RORA: variants seen among roughly 807,000 people sequenced by gnomAD.
RORA encodes nuclear receptor ROR-alpha.
In RORA, 7 loss-of-function variants were observed where a neutral mutation model predicts 69.5. The ratio of observed to expected loss-of-function variants is 0.10; its 90% confidence interval spans 0.06 to 0.19. RORA has a LOEUF of 0.19. Among genes scored for constraint, RORA ranks in the 10% least tolerant of loss-of-function variants. The probability of loss-of-function intolerance (pLI) is 1.00; values close to 1 mark genes in which losing one functional copy is unlikely to be tolerated. For synonymous variants in RORA, 261 were observed against 240.8 expected, an observed-to-expected ratio of 1.08 and a Z score of -0.78; for missense variants, 457 against 663.0, an observed-to-expected ratio of 0.69 and a Z score of 3.41.
chr15:60,811,335 G>C lies in RORA; in HGVS notation c.167-132649C>G, dbSNP rs556197575. ...ATGGCACTGGGTTCTGTGATAATCT[G>C]GGTTTTCCCCCTTGCTGGCTTGGGA... is the stretch of plus-strand genomic sequence containing the variant. On this transcript the variant is annotated intron_variant, in intron 1 of 10. Coordinates refer to ENST00000335670, the MANE Select transcript of RORA (RefSeq NM_134261.3). Among the ~76,000 whole-genome samples, 18 of 152,292 alleles carry C rather than the reference G, an allele frequency of 1.2e-4. No homozygotes were observed. In the East Asian group the frequency reaches 3.1e-3, roughly 26 times the overall value.
At chr15:60,992,101 T>C (rs1002639801) in intron 1 of RORA, among the ~76,000 whole-genome samples, 7 of 152,144 alleles carry the variant, frequency 4.6e-5, no homozygotes, top group African/African-American at 1.7e-4. Context: ...GTTAGTACTA[T>C]AATGTATGCT....
At chr15:60,836,004 A>T (rs2073110142) in intron 1 of RORA, among the ~76,000 whole-genome samples, 1 of 152,224 alleles carries the variant, frequency 6.6e-6, no homozygotes, top group Non-Finnish European at 1.5e-5. Context: ...TTGCCCGATC[A>T]CTTACTTACT....
At chr15:60,795,686 T>A (rs2072486372) in intron 1 of RORA, among the ~76,000 whole-genome samples, 1 of 152,198 alleles carries the variant, frequency 6.6e-6, no homozygotes, top group African/African-American at 2.4e-5. Context: ...CAGGTTGATT[T>A]GTCAACCACA....
At chr15:60,820,861 G>C (rs2072884606) in intron 1 of RORA, among the ~76,000 whole-genome samples, 1 of 152,244 alleles carries the variant, frequency 6.6e-6, no homozygotes, top group South Asian at 2.1e-4. Flanking sequence ...AGAGAACTAT[G>C]AGTGAAGCTG....
chr15:61,036,912 A>C (rs749864535), intron 1 of RORA, among the ~76,000 whole-genome samples: 1 of 152,042 alleles, frequency 6.6e-6, no homozygotes, highest in East Asian at 1.9e-4. Flanking sequence ...GCCTCGGTGA[A>C]AACAACCTGA....
At chr15:61,005,376 A>C (rs1894878051) in intron 1 of RORA, among the ~76,000 whole-genome samples, 1 of 152,200 alleles carries the variant, frequency 6.6e-6, no homozygotes, top group Non-Finnish European at 1.5e-5. Context: ...GCTACTCAGG[A>C]GGCTGAGGCA....
chr15:60,970,600 T>C (rs1477814939), intron 1 of RORA, among the ~76,000 whole-genome samples: 1 of 152,206 alleles, frequency 6.6e-6, no homozygotes, highest in Non-Finnish European at 1.5e-5. Flanking sequence ...GGAACTTGGT[T>C]TGAAACCTGT....
chr15:60,846,463 T>C (rs1291448474), intron 1 of RORA, among the ~76,000 whole-genome samples: 4 of 152,216 alleles, frequency 2.6e-5, no homozygotes, highest in Non-Finnish European at 4.4e-5. Flanking sequence ...GGACTCATAC[T>C]AATGTGTTAT....
intron 1 of RORA, among the ~76,000 whole-genome samples, chr15:61,005,123 G>A (rs945273303): frequency 6.6e-6 from 1 of 152,204 alleles, no homozygotes; most frequent in Non-Finnish European, 1.5e-5. Flanking sequence ...AACAATCTGA[G>A]GGTTCAACAA....
chr15:61,215,968 T>A (rs979229167), intron 1 of RORA, among the ~76,000 whole-genome samples: 13 of 152,164 alleles, frequency 8.5e-5, no homozygotes, highest in Admixed American at 3.3e-4. Context: ...CATGTTTGAG[T>A]GAAGAAATAA....
intron 2 of RORA, among the ~76,000 whole-genome samples, chr15:60,590,097 C>T (rs1730983406): frequency 3.9e-5 from 6 of 152,088 alleles, no homozygotes; most frequent in Admixed American, 3.9e-4. Context: ...AAGATAATCC[C>T]ATTAAAATTC....
chr15:60,560,502 T>C, intron 2 of RORA, among the ~76,000 whole-genome samples: 1 of 151,998 alleles, frequency 6.6e-6, no homozygotes, highest in South Asian at 2.1e-4. Flanking sequence ...AAGACCAGCC[T>C]GGACAATATA....
intron 1 of RORA, among the ~76,000 whole-genome samples, chr15:61,185,002 A>AAAG (rs1313174431): frequency 4.5e-4 from 68 of 150,896 alleles, no homozygotes; most frequent in African/African-American, 1.0e-3. Context: ...AAAAAAAAAA[A>AAAG]AAGAAGAAGA....
At chr15:60,956,124 A>G (rs1432611317) in intron 1 of RORA, among the ~76,000 whole-genome samples, 1 of 152,234 alleles carries the variant, frequency 6.6e-6, no homozygotes, top group African/African-American at 2.4e-5. Flanking sequence ...GAAATTTAAT[A>G]GCATGAAGTT....
At chr15:60,589,175 T>C (rs1168385647) in intron 2 of RORA, among the ~76,000 whole-genome samples, 1 of 152,212 alleles carries the variant, frequency 6.6e-6, no homozygotes, top group African/African-American at 2.4e-5. Flanking sequence ...GTCCTTACAG[T>C]GAGATCAGAG....
intron 1 of RORA, among the ~76,000 whole-genome samples, chr15:60,773,908 T>C (rs2072118466): frequency 6.6e-6 from 1 of 152,252 alleles, no homozygotes; most frequent in South Asian, 2.1e-4. Context: ...CACATTTATG[T>C]AATACATAAG....
chr15:60,689,485 TA>T (rs781425456), intron 1 of RORA, among the ~76,000 whole-genome samples: 9 of 152,176 alleles, frequency 5.9e-5, no homozygotes, highest in Non-Finnish European at 1.0e-4. Context: ...TGTCTTTTTT[TA>T]AATTTTAGTT....
At chr15:61,055,808 G>A (rs1215539183) in intron 1 of RORA, among the ~76,000 whole-genome samples, 5 of 152,202 alleles carry the variant, frequency 3.3e-5, no homozygotes, top group African/African-American at 1.2e-4. Context: ...TTTGAGACAC[G>A]TTTTCAGAAA....
chr15:61,155,444 A>G (rs12593790), intron 1 of RORA, among the ~76,000 whole-genome samples: 14,371 of 152,196 alleles, frequency 0.094, 1,130 homozygotes, highest in South Asian at 0.23. Flanking sequence ...GAAAGCACCA[A>G]AGGGGTTTAT....
Sources: allele counts gnomAD v4.1 joint callset (sites outside exome capture counted in the v4.1 genomes callset), GRCh38; gene constraint gnomAD v4.1.1; transcripts MANE v1.5; gene names NCBI Gene and HGNC (gene_info 2026-07-23, HGNC 2026-07-21).